The following NAALADL2 variants were observed in gnomAD, a reference collection of about 807,000 sequenced individuals.
NAALADL2 encodes the protein N-acetylated alpha-linked acidic dipeptidase like 2.
A neutral mutation model predicts 87.2 loss-of-function variants in NAALADL2; 76 were observed. The observed-to-expected ratio is 0.87, with a 90% CI of 0.72 to 1.05. The LOEUF (loss-of-function observed/expected upper bound fraction) is 1.05, where lower values mean the gene tolerates loss of function less well. Ranked by LOEUF, NAALADL2 falls within the 50% of genes least tolerant of loss-of-function variation. NAALADL2 has a pLI of 0.00. For missense variants in NAALADL2, 1,089 were observed against 945.8 expected, an observed-to-expected ratio of 1.15 and a Z score of -1.99; for synonymous variants, 354 against 331.0, an observed-to-expected ratio of 1.07 and a Z score of -0.75.
At chr3:175,117,605 G>A (rs534945009) in intron 2 of NAALADL2, among the ~76,000 whole-genome samples, 2 of 150,318 alleles carry the variant, frequency 1.3e-5, no homozygotes, top group African/African-American at 2.5e-5. Context: ...TCATTAAAAA[G>A]TCAGGAAACA....
chr3:174,806,919 C>A (rs1719576227), intron 3 of NAALADL2, among the ~76,000 whole-genome samples: 1 of 151,992 alleles, frequency 6.6e-6, no homozygotes, highest in South Asian at 2.1e-4. Context: ...ATCTAGTAAA[C>A]AAGGCAGGAG....
chr3:175,520,890 A>G (rs1176221347), intron 9 of NAALADL2, among the ~76,000 whole-genome samples: 1 of 152,192 alleles, frequency 6.6e-6, no homozygotes, highest in East Asian at 1.9e-4. Context: ...AAAAGAAAGA[A>G]GAAGAAGAAA....
At chr3:175,636,297 C>G (rs1364496139) in intron 11 of NAALADL2, among the ~76,000 whole-genome samples, 1 of 152,050 alleles carries the variant, frequency 6.6e-6, no homozygotes, top group Non-Finnish European at 1.5e-5. Context: ...ACTGACACTA[C>G]CAATTGATTG....
chr3:175,119,635 A>T (rs1725810059), intron 2 of NAALADL2, among the ~76,000 whole-genome samples: 1 of 149,976 alleles, frequency 6.7e-6, no homozygotes, highest in Non-Finnish European at 1.5e-5. Flanking sequence ...ATGACATCTA[A>T]AGATGTTTTT....
intron 5 of NAALADL2, among the ~76,000 whole-genome samples, chr3:175,354,165 A>G (rs1764091663): frequency 6.6e-6 from 1 of 152,316 alleles, no homozygotes; most frequent in African/African-American, 2.4e-5. Flanking sequence ...AAGTTATCAA[A>G]CAAGAAGAGC....
chr3:174,673,436 T>G (rs150482470), intron 2 of NAALADL2, among the ~76,000 whole-genome samples: 2 of 152,146 alleles, frequency 1.3e-5, no homozygotes, highest in African/African-American at 4.8e-5. Context: ...GCAGGCTTAA[T>G]GAATGAAGAT....
At chr3:175,583,774 A>G (rs1720138726) in intron 10 of NAALADL2, among the ~76,000 whole-genome samples, 1 of 152,212 alleles carries the variant, frequency 6.6e-6, no homozygotes, top group Non-Finnish European at 1.5e-5. Context: ...GTTTTACTTA[A>G]TTTGGTTTCT....
At chr3:174,882,575 GCTTATACA>G (rs1319483711) in intron 1 of NAALADL2, among the ~76,000 whole-genome samples, 1 of 139,496 alleles carries the variant, frequency 7.2e-6, no homozygotes, top group Non-Finnish European at 1.5e-5. Context: ...ATACATATGT[GCTTATACA>G]CATATGTGTA....
intron 2 of NAALADL2, among the ~76,000 whole-genome samples, chr3:174,654,176 A>G (rs1297830282): frequency 1.3e-5 from 2 of 151,988 alleles, no homozygotes; most frequent in African/African-American, 4.8e-5. Flanking sequence ...AAGTGGTCAA[A>G]CCCATTTATT....
chr3:174,996,023 G>A (rs1185453251), intron 1 of NAALADL2, among the ~76,000 whole-genome samples: 1 of 152,074 alleles, frequency 6.6e-6, no homozygotes, highest in Non-Finnish European at 1.5e-5. Context: ...CCTCACACCA[G>A]GTTACATAGC....
At chr3:175,452,330 T>C (rs772750953) in intron 6 of NAALADL2, among the ~76,000 whole-genome samples, 8 of 152,254 alleles carry the variant, frequency 5.3e-5, no homozygotes, top group Non-Finnish European at 1.2e-4. Flanking sequence ...TTATATGACA[T>C]AGCTTCCTTT....
chr3:175,753,618 C>T (rs1348895427), intron 12 of NAALADL2, among the ~76,000 whole-genome samples: 1 of 152,108 alleles, frequency 6.6e-6, no homozygotes, highest in East Asian at 1.9e-4. Context: ...CATATCACCT[C>T]TCTGTAATTT....
chr3:175,674,805 C>A (rs1223081732), intron 11 of NAALADL2, among the ~76,000 whole-genome samples: 1 of 152,110 alleles, frequency 6.6e-6, no homozygotes, highest in Non-Finnish European at 1.5e-5. Flanking sequence ...GAAGTCTAGG[C>A]ATTCCATTGA....
intron 13 of NAALADL2, among the ~76,000 whole-genome samples, chr3:175,764,597 G>C (rs1338964069): frequency 6.7e-6 from 1 of 148,604 alleles, no homozygotes; most frequent in Non-Finnish European, 1.5e-5. Context: ...TAAATGTCAA[G>C]ATGCTTCTGC....
At chr3:174,798,222 G>A (rs748243677) in intron 3 of NAALADL2, among the ~76,000 whole-genome samples, 1 of 152,126 alleles carries the variant, frequency 6.6e-6, no homozygotes, top group South Asian at 2.1e-4. Flanking sequence ...CTATCTTCAT[G>A]CCAGTACTAC....
chr3:174,811,114 A>C (rs144541641), intron 3 of NAALADL2, among the ~76,000 whole-genome samples: 17 of 152,332 alleles, frequency 1.1e-4, no homozygotes, highest in Admixed American at 2.0e-4. Flanking sequence ...CTGGATGTCC[A>C]GGCAGAAACT....
intron 1 of NAALADL2, among the ~76,000 whole-genome samples, chr3:174,945,836 A>G (rs1268345554): frequency 1.3e-5 from 2 of 152,028 alleles, no homozygotes; most frequent in African/African-American, 4.8e-5. Context: ...TCGTGAAGTC[A>G]GGAGATCAAG....
intron 5 of NAALADL2, among the ~76,000 whole-genome samples, chr3:175,425,663 G>A (rs1648305730): frequency 6.6e-6 from 1 of 152,024 alleles, no homozygotes; most frequent in Admixed American, 6.6e-5. Context: ...AATTTAGATA[G>A]TATTTGGTAA....
At chr3:174,448,083 G>T (rs1715189565) in intron 1 of NAALADL2, among the ~76,000 whole-genome samples, 1 of 152,104 alleles carries the variant, frequency 6.6e-6, no homozygotes, top group Non-Finnish European at 1.5e-5. Flanking sequence ...CTGGCATTGA[G>T]ATATGATTTC....
Sources: allele counts gnomAD v4.1 joint callset (sites outside exome capture counted in the v4.1 genomes callset), GRCh38; gene constraint gnomAD v4.1.1; transcripts MANE v1.5; gene names NCBI Gene and HGNC (gene_info 2026-07-23, HGNC 2026-07-21).